The following MMP16 variants were observed in gnomAD, a reference collection of about 807,000 sequenced individuals.
The protein encoded by MMP16 is matrix metalloproteinase-16.
Under a neutral mutation model 67.8 loss-of-function variants are expected in MMP16, and 12 were observed. The ratio of observed to expected loss-of-function variants is 0.18; its 90% CI spans 0.11 to 0.29. The LOEUF is 0.29. Ranked by LOEUF, MMP16 falls within the 10% of genes least tolerant of loss-of-function variation. The pLI is 1.00. For synonymous variants in MMP16, 249 were observed against 255.9 expected (o/e 0.97, Z 0.26); for missense variants, 475 against 765.7 (o/e 0.62, Z 4.48).
intron 2 of MMP16, among the ~76,000 whole-genome samples, chr8:88,191,656 A>G (rs1809170707): frequency 6.6e-6 from 1 of 152,162 alleles, no homozygotes; most frequent in Non-Finnish European, 1.5e-5. Flanking sequence ...AGTTTGGTGT[A>G]CCACACACAC....
intron 1 of MMP16, among the ~76,000 whole-genome samples, chr8:88,295,743 T>G (rs142935091): frequency 1.3e-5 from 2 of 152,140 alleles, no homozygotes; most frequent in Admixed American, 6.5e-5. Flanking sequence ...CTAAAACACA[T>G]GTTGTTTAAA....
chr8:88,309,099 TATAA>T (rs887592501), intron 1 of MMP16, among the ~76,000 whole-genome samples: 2 of 152,044 alleles, frequency 1.3e-5, no homozygotes, highest in Admixed American at 1.3e-4. Flanking sequence ...CTACTACAAT[TATAA>T]ATAAATATAG....
chr8:88,276,000 T>A (rs777769270), intron 1 of MMP16, among the ~76,000 whole-genome samples: 4 of 152,072 alleles, frequency 2.6e-5, no homozygotes, highest in Non-Finnish European at 5.9e-5. Flanking sequence ...GATATTCCTG[T>A]CTTCTAGTTG....
chr8:88,121,221 C>T (rs991395748), intron 4 of MMP16, among the ~76,000 whole-genome samples: 2 of 152,032 alleles, frequency 1.3e-5, no homozygotes, highest in East Asian at 1.9e-4. Context: ...TCCTAAGCAT[C>T]GTTTCCAAGG....
At chr8:88,216,332 T>C (rs969294473) in intron 1 of MMP16, among the ~76,000 whole-genome samples, 12 of 152,162 alleles carry the variant, frequency 7.9e-5, no homozygotes, top group African/African-American at 2.9e-4. Context: ...TTCTGAACCA[T>C]TGAGAGTAAA....
intron 1 of MMP16, among the ~76,000 whole-genome samples, chr8:88,218,172 C>G (rs1809623807): frequency 6.6e-6 from 1 of 151,970 alleles, no homozygotes; most frequent in Non-Finnish European, 1.5e-5. Flanking sequence ...ACAACTAAGA[C>G]ATGAATTATC....
At chr8:88,075,602 T>C (rs989081603) in intron 6 of MMP16, among the ~76,000 whole-genome samples, 4 of 152,260 alleles carry the variant, frequency 2.6e-5, no homozygotes, top group Admixed American at 6.6e-5. Context: ...TAGTTTTCCA[T>C]TGAAAATTTG....
chr8:88,108,808 C>T (rs1308000056), intron 6 of MMP16, among the ~76,000 whole-genome samples: 1 of 151,178 alleles, frequency 6.6e-6, no homozygotes, highest in Non-Finnish European at 1.5e-5. Context: ...AATGCTTTTC[C>T]AATATTAAGT....
Position 88,056,319 on chromosome 8 carries a change from T to C in MMP16, c.1223-41A>G, listed in dbSNP as rs753831813. On this transcript the variant is annotated intron_variant, in intron 7 of 9. Coordinates refer to ENST00000286614, the MANE Select transcript of MMP16 (RefSeq NM_005941.5). ...GTAAATGTAGAATATATTAATTTAA[T>C]GTCATAATTAGAATATATCTATTAA... The C allele has an allele frequency of 1.6e-5, 18 of 1,149,212 alleles. 1 individual carries two copies. The highest frequency in any genetic ancestry group is 2.1e-5 in the Non-Finnish European group (18 of 859,762). 71.2% of individuals were successfully genotyped at this position (1,149,212 alleles called of 1,614,324 possible). A position where few individuals can be genotyped will look rare whatever the true frequency, so the allele number is the denominator to read the frequency against.
intron 1 of MMP16, among the ~76,000 whole-genome samples, chr8:88,263,448 T>A (rs749605001): frequency 6.6e-6 from 1 of 151,816 alleles, no homozygotes; most frequent in Non-Finnish European, 1.5e-5. Context: ...GACACATGAG[T>A]TTTCTAGGGC....
chr8:88,292,810 T>C (rs1810947846), intron 1 of MMP16, among the ~76,000 whole-genome samples: 2 of 152,190 alleles, frequency 1.3e-5, no homozygotes. Flanking sequence ...AAATTATACT[T>C]GTAAATTAAA....
At chr8:88,320,554 G>T (rs1811442825) in intron 1 of MMP16, among the ~76,000 whole-genome samples, 1 of 152,050 alleles carries the variant, frequency 6.6e-6, no homozygotes, top group African/African-American at 2.4e-5. Flanking sequence ...TTCCTTCTTA[G>T]TTCATCAAAT....
intron 6 of MMP16, among the ~76,000 whole-genome samples, chr8:88,091,648 T>G (rs1326535662): frequency 6.6e-6 from 1 of 151,912 alleles, no homozygotes; most frequent in African/African-American, 2.4e-5. Flanking sequence ...TTACCTCTTA[T>G]TAGTAGTCCA....
chr8:88,034,111 G>A lies in MMP16; in HGVS notation c.*7350C>T, dbSNP rs1179245013. The A allele has an allele frequency of 6.6e-6, 1 of 151,928 alleles. No homozygotes were observed. The highest frequency in any genetic ancestry group is 2.4e-5 in the African/African-American group (1 of 41,396). The allele number at this position is 151,928 out of a possible 1,614,324, so 9.4% of individuals were successfully genotyped here. A position where few individuals can be genotyped will look rare whatever the true frequency, so the allele number is the denominator to read the frequency against. On this transcript the variant is annotated 3_prime_UTR_variant, in exon 10 of 10. Coordinates refer to ENST00000286614, the MANE Select transcript of MMP16 (RefSeq NM_005941.5). ...TTGGGATGTATGTCAACTTTGCTGG[G>A]ACTGTCTTTGCATGGAAGTTTTGAC...
At chr8:88,320,431 A>G (rs1811441056) in intron 1 of MMP16, among the ~76,000 whole-genome samples, 1 of 152,190 alleles carries the variant, frequency 6.6e-6, no homozygotes, top group African/African-American at 2.4e-5. Flanking sequence ...ACTACAATGT[A>G]TAGTTTTTGA....
chr8:88,223,134 C>T (rs1473658366), intron 1 of MMP16, among the ~76,000 whole-genome samples: 5 of 152,098 alleles, frequency 3.3e-5, no homozygotes, highest in East Asian at 1.9e-4. Flanking sequence ...AAATCAAAAC[C>T]ACAATGAGAT....
chr8:88,079,232 CCA>C (rs1271345044), intron 6 of MMP16, among the ~76,000 whole-genome samples: 8 of 152,136 alleles, frequency 5.3e-5, no homozygotes, highest in Non-Finnish European at 1.0e-4. Context: ...GTTTCGCTTT[CCA>C]CAGTTTCAGT....
In MMP16 at chr8:88,147,221, T is replaced by C. The variant is rs114022301; in HGVS notation, c.709+20448A>G. ...TTAAATTTATTTTGGTTTTCTTCTA[T>C]TGTTACCTCCTCTACTATCGGTTAT... On this transcript the variant is annotated intron_variant, in intron 4 of 9. Coordinates refer to ENST00000286614, the MANE Select transcript of MMP16 (RefSeq NM_005941.5). Among the ~76,000 whole-genome samples, 191 of 152,196 alleles carry C rather than the reference T, an allele frequency of 1.3e-3. 1 individual carries two copies. The highest frequency in any genetic ancestry group is 4.4e-3 in the African/African-American group (181 of 41,578).
At chr8:88,232,348 GA>G (rs1048023376) in intron 1 of MMP16, among the ~76,000 whole-genome samples, 1 of 151,676 alleles carries the variant, frequency 6.6e-6, no homozygotes, top group Non-Finnish European at 1.5e-5. Flanking sequence ...CAGGGACCTA[GA>G]AAAAAAAGCA....
Sources: gnomAD v4.1 joint callset for allele counts (sites outside exome capture counted in the v4.1 genomes callset) on GRCh38, gnomAD v4.1.1 for gene constraint, MANE v1.5 for transcripts, NCBI Gene and HGNC (gene_info 2026-07-23, HGNC 2026-07-21) for gene names.